HMGN5: variants seen among roughly 807,000 people sequenced by gnomAD.
The protein encoded by HMGN5 is high mobility group nucleosome-binding domain-containing protein 5.
Under a neutral mutation model 9.5 loss-of-function variants are expected in HMGN5, and 4 were observed. The observed-to-expected ratio is 0.42, with a 90% confidence interval of 0.21 to 0.96. The LOEUF is 0.96. HMGN5 is among the 40% of genes least tolerant of loss of function. The pLI is 0.30. For missense variants in HMGN5, 192 were observed against 187.5 expected (o/e 1.02, Z -0.14); for synonymous variants, 55 against 57.1 (o/e 0.96, Z 0.16).
At position 81,114,541 on chromosome X, in the gene HMGN5, G is replaced by T; in HGVS notation, c.*108C>A. 2 of 714,957 alleles carry T rather than the reference G, an allele frequency of 2.8e-6. No homozygotes were observed. Among genetic ancestry groups the T allele is most frequent in the Non-Finnish European group, 3.8e-6 (2 of 531,274 alleles). 58.9% of individuals were successfully genotyped at this position (714,957 alleles called of 1,213,427 possible). On this transcript the variant is annotated 3_prime_UTR_variant, in exon 7 of 7. Coordinates refer to ENST00000358130, the MANE Select transcript of HMGN5 (RefSeq NM_030763.3). ...GAAGATGTTCTGAAATTAAATCAATGCTAAAGAAAGGCTGTGTTTATAAAA... is the reference window on the plus strand; with the variant it reads ...GAAGATGTTCTGAAATTAAATCAATTCTAAAGAAAGGCTGTGTTTATAAAA...
In HMGN5 at chrX:81,114,705, C is replaced by T. The variant is rs1208194137; in HGVS notation, c.793G>A (p.Glu265Lys). 8.7e-7 allele frequency: 1 copy of T among 1,153,127 alleles called. No homozygotes were observed. The highest frequency in any genetic ancestry group is 1.8e-5 in the African/African-American group (1 of 54,562). Residue 265 changes from glutamate (E) to lysine (K), a missense_variant, in exon 7 of 7, where the codon GAA becomes AAA. Physicochemically the swap from Glu to Lys is moderately conservative, Grantham distance 56 (BLOSUM62 1). Transcript: ENST00000358130. ...DLKEEEEGKE[E>K]DEIKEDDGKK... ...CCATCATCTTCTTTGATCTCATCTT[C>T]CTCTTTTCCTTCTTCCTCTTCTTTT...
chrX:81,183,490 C>G (rs1196085800), intron 1 of HMGN5, among the ~76,000 whole-genome samples: 2 of 112,632 alleles, frequency 1.8e-5, no homozygotes, highest in Non-Finnish European at 3.8e-5. Flanking sequence ...CAGCTTGGGT[C>G]ACTGCCTCAG....
Position 81,114,752 on chromosome X carries a change from G to T in HMGN5, c.746C>A (p.Ala249Asp), listed in dbSNP as rs186732408. ...KEDEGGNEEEAGKEKEDLKEE... is the reference protein window; with the variant it reads ...KEDEGGNEEEDGKEKEDLKEE... Reference sequence around the variant, plus strand: ...TTTTAAATCTTCTTTCTCTTTTCCAGCTTCTTCCTCATTTCCACCTTCATC... The same window carrying T: ...TTTTAAATCTTCTTTCTCTTTTCCATCTTCTTCCTCATTTCCACCTTCATC... The change falls in exon 7 of 7, where the codon GCT becomes GAT. Residue 249 changes from alanine to aspartate, a missense_variant. Ala to Asp is a moderately radical substitution (Grantham distance 126). Transcript: ENST00000358130. 1.7e-6 allele frequency: 2 copies of T among 1,155,217 alleles called. No homozygotes were observed. The highest frequency in any genetic ancestry group is 1.2e-6 in the Non-Finnish European group (1 of 867,480).
intron 1 of HMGN5, among the ~76,000 whole-genome samples, chrX:81,154,459 A>G (rs980294085): frequency 4.5e-5 from 5 of 111,507 alleles, no homozygotes; most frequent in Non-Finnish European, 5.6e-5. Flanking sequence ...CCAGGCAAAA[A>G]TTTCTTGAGC....
intron 1 of HMGN5, among the ~76,000 whole-genome samples, chrX:81,181,714 G>T (rs1255300284): frequency 9.0e-6 from 1 of 111,541 alleles, no homozygotes; most frequent in East Asian, 2.8e-4. Context: ...GTCTTTCTGT[G>T]CCTGGCTTAT....
chrX:81,152,544 G>A (rs1457273103), intron 1 of HMGN5, among the ~76,000 whole-genome samples: 27 of 110,598 alleles, frequency 2.4e-4, no homozygotes, highest in Middle Eastern at 4.2e-3. Flanking sequence ...TACACTGTTG[G>A]TGGGACTGTA....
chrX:81,180,700 A>C (rs990266111), intron 1 of HMGN5, among the ~76,000 whole-genome samples: 1 of 111,755 alleles, frequency 8.9e-6, no homozygotes, highest in Non-Finnish European at 1.9e-5. Flanking sequence ...CTATTACTGG[A>C]TATATACCCA....
In HMGN5 at chrX:81,114,790, TTC is replaced by T; in HGVS notation, c.706_707del (p.Glu236ArgfsTer6). On this transcript the variant is annotated frameshift_variant, in exon 7 of 7. Transcript: ENST00000358130. LOFTEE classifies it low-confidence loss of function (END_TRUNC). ...TTCCACCTTCATCTTCTTTTCCATC[TTC>T]TCTCTCTTTTTCATCTTCTTTGACT... is the stretch of plus-strand genomic sequence containing the variant. ...VKVKEDEKER[E>X]DGKEDEGGNE... 2.6e-6 allele frequency: 3 copies of T among 1,163,139 alleles called. No homozygotes were observed. Among genetic ancestry groups the T allele is most frequent in the Non-Finnish European group, 3.4e-6 (3 of 871,386 alleles).
chrX:81,177,050 G>A (rs906620594), intron 1 of HMGN5, among the ~76,000 whole-genome samples: 4 of 109,754 alleles, frequency 3.6e-5, no homozygotes, highest in African/African-American at 1.3e-4. Context: ...GAGGAAGGTC[G>A]AGTTACCCAC....
At chrX:81,176,621 T>A (rs777403130) in intron 1 of HMGN5, among the ~76,000 whole-genome samples, 15 of 111,527 alleles carry the variant, frequency 1.3e-4, no homozygotes, top group African/African-American at 4.6e-4. Flanking sequence ...AACCATGGCA[T>A]GAGAACTTCG....
chrX:81,198,814 G>A (rs1461171918), intron 1 of HMGN5, among the ~76,000 whole-genome samples: 1 of 111,634 alleles, frequency 9.0e-6, no homozygotes, highest in Non-Finnish European at 1.9e-5. Flanking sequence ...TTGAAAACTG[G>A]CACAAGACAA....
chrX:81,155,102 T>TACAC (rs1205557645), intron 1 of HMGN5, among the ~76,000 whole-genome samples: 2 of 91,066 alleles, frequency 2.2e-5, no homozygotes, highest in Admixed American at 2.6e-4. Flanking sequence ...TATATATATA[T>TACAC]ACACACACAC....
chrX:81,190,558 A>C (rs1210738115), intron 1 of HMGN5, among the ~76,000 whole-genome samples: 1 of 111,365 alleles, frequency 9.0e-6, no homozygotes, highest in African/African-American at 3.3e-5. Flanking sequence ...ATTCTCTGTA[A>C]GAAATTTGTT....
intron 5 of HMGN5, among the ~76,000 whole-genome samples, chrX:81,117,429 G>A (rs2075257010): frequency 9.2e-6 from 1 of 108,637 alleles, no homozygotes; most frequent in Non-Finnish European, 1.9e-5. Flanking sequence ...ATTTTCTGTG[G>A]TGATGGTGAT....
rs191732199 is a variant in HMGN5 at position 81,130,679 on chromosome X, A to T, written c.-123-9007T>A. Among the ~76,000 whole-genome samples, 391 of 110,548 alleles carry T rather than the reference A, an allele frequency of 3.5e-3. 1 individual carries two copies. The highest frequency in any genetic ancestry group is 0.012 in the African/African-American group (368 of 30,513). On this transcript the variant is annotated intron_variant, in intron 1 of 6. Transcript: ENST00000358130. ...GAGATACCCTGCCATCGTGCCTCCA[A>T]CTGAGAAATAGCTACTAGATCAATG...
At chrX:81,192,731 G>T (rs2075497369) in intron 1 of HMGN5, among the ~76,000 whole-genome samples, 1 of 111,918 alleles carries the variant, frequency 8.9e-6, no homozygotes, top group African/African-American at 3.2e-5. Flanking sequence ...GGATATTTTT[G>T]TTGGCTTTAG....
Position 81,200,788 on chromosome X carries a change from A to G in HMGN5, c.-124+949T>C, listed in dbSNP as rs909323733. On this transcript the variant is annotated intron_variant, in intron 1 of 6. Transcript: ENST00000358130. Reference sequence around the variant, plus strand: ...GAGTTGATGGGTGCAGCAAACCAACATGGCACATGTATACCTATGTAACAA... The same window carrying G: ...GAGTTGATGGGTGCAGCAAACCAACGTGGCACATGTATACCTATGTAACAA... Among the ~76,000 whole-genome samples the G allele has an allele frequency of 2.7e-5, 3 of 111,052 alleles. No homozygotes were observed. The Admixed American group carries it at 2.9e-4, about 11-fold the overall frequency.
chrX:81,133,216 G>A lies in HMGN5; in HGVS notation c.-123-11544C>T, dbSNP rs191904447. ...AATCAAAAAAAATAACAGATGCTGTGAGGTTGTGGAGAAAAAGGAACGCTT... is the reference window on the plus strand; with the variant it reads ...AATCAAAAAAAATAACAGATGCTGTAAGGTTGTGGAGAAAAAGGAACGCTT... On this transcript the variant is annotated intron_variant, in intron 1 of 6. Transcript: ENST00000358130. 6.0e-3 allele frequency among the ~76,000 whole-genome samples: 671 copies of A among 111,355 alleles called. 3 individuals carry two copies. The highest frequency in any genetic ancestry group is 0.021 in the African/African-American group (640 of 30,669).
At chrX:81,144,189 C>G (rs776637164) in intron 1 of HMGN5, among the ~76,000 whole-genome samples, 1 of 111,290 alleles carries the variant, frequency 9.0e-6, no homozygotes, top group Non-Finnish European at 1.9e-5. Flanking sequence ...CCCTAACCCC[C>G]GTGTATCCTG....
Sources: allele counts gnomAD v4.1 joint callset (sites outside exome capture counted in the v4.1 genomes callset), GRCh38; gene constraint gnomAD v4.1.1; transcripts MANE v1.5; gene names NCBI Gene and HGNC (gene_info 2026-07-23, HGNC 2026-07-21).